Variants in DTD1 observed in about 807,000 individuals in gnomAD.
DTD1 encodes the protein D-aminoacyl-tRNA deacylase 1.
Under a neutral mutation model 25.6 loss-of-function variants are expected in DTD1, and 13 were observed. That is an observed-to-expected ratio of 0.51 (90% confidence interval 0.33 to 0.81). The LOEUF (loss-of-function observed/expected upper bound fraction) is 0.81, where lower values mean the gene tolerates loss of function less well. Among genes scored for constraint, DTD1 ranks in the 30% least tolerant of loss-of-function variants. DTD1 has a pLI of 0.02. For missense variants in DTD1, 193 were observed against 266.4 expected, an observed-to-expected ratio of 0.72 and a Z score of 1.92; for synonymous variants, 110 against 103.6, an observed-to-expected ratio of 1.06 and a Z score of -0.37.
chr20:18,745,009 C>G (rs2061294659), intron 5 of DTD1, among the ~76,000 whole-genome samples: 1 of 152,210 alleles, frequency 6.6e-6, no homozygotes, highest in African/African-American at 2.4e-5. Context: ...CAGTCCACAG[C>G]TGCTGCTGTG....
chr20:18,674,297 A>C (rs1309916462), intron 4 of DTD1: 1 of 152,166 alleles, frequency 6.6e-6, no homozygotes, highest in African/African-American at 2.4e-5. Context: ...AGAGGTAGAG[A>C]GGGGAATGGA....
intron 5 of DTD1, among the ~76,000 whole-genome samples, chr20:18,744,653 A>AC: frequency 8.5e-6 from 1 of 117,228 alleles, no homozygotes; most frequent in Non-Finnish European, 1.8e-5. Context: ...AAAAAACAAA[A>AC]AACAAGTGAA....
chr20:18,726,399 G>A (rs2061222607), intron 4 of DTD1, among the ~76,000 whole-genome samples: 1 of 152,126 alleles, frequency 6.6e-6, no homozygotes, highest in African/African-American at 2.4e-5. Flanking sequence ...CATGAAAATT[G>A]CATTGTACAA....
intron 4 of DTD1, among the ~76,000 whole-genome samples, chr20:18,636,628 G>T (rs1225476187): frequency 6.6e-6 from 1 of 152,158 alleles, no homozygotes; most frequent in Non-Finnish European, 1.5e-5. Flanking sequence ...TGGGTCAGTG[G>T]GGTGTGAGTT....
At chr20:18,628,854 G>T (rs955599798) in intron 4 of DTD1, among the ~76,000 whole-genome samples, 1 of 152,170 alleles carries the variant, frequency 6.6e-6, no homozygotes, top group Admixed American at 6.5e-5. Context: ...GGCAGAGGAA[G>T]AAGGACTGAG....
At chr20:18,708,300 A>T (rs1394953982) in intron 4 of DTD1, among the ~76,000 whole-genome samples, 1 of 50,952 alleles carries the variant, frequency 2.0e-5, no homozygotes, top group African/African-American at 7.6e-5. Flanking sequence ...TATATATAAT[A>T]TATATATTTT....
chr20:18,700,070 C>T (rs965601831), intron 4 of DTD1, among the ~76,000 whole-genome samples: 3 of 152,158 alleles, frequency 2.0e-5, no homozygotes, highest in Admixed American at 6.5e-5. Context: ...TCTCAGCCTC[C>T]TCCAGTCTTA....
chr20:18,735,367 G>A (rs1412622766), intron 4 of DTD1, among the ~76,000 whole-genome samples: 1 of 152,258 alleles, frequency 6.6e-6, no homozygotes, highest in Admixed American at 6.5e-5. Context: ...AGAAGCCCCT[G>A]TGCAGGTGTT....
At chr20:18,730,489 C>T (rs775727761) in intron 4 of DTD1, among the ~76,000 whole-genome samples, 1 of 152,176 alleles carries the variant, frequency 6.6e-6, no homozygotes, top group Non-Finnish European at 1.5e-5. Context: ...TAGTCCTTAT[C>T]AGTTTCATGA....
intron 5 of DTD1, among the ~76,000 whole-genome samples, chr20:18,752,663 A>G (rs2061325146): frequency 6.6e-6 from 1 of 152,178 alleles, no homozygotes; most frequent in Non-Finnish European, 1.5e-5. Context: ...TAATTCCAAC[A>G]TCTGTATCAT....
chr20:18,668,927 TTTC>T (rs2060941942), intron 4 of DTD1, among the ~76,000 whole-genome samples: 1 of 152,202 alleles, frequency 6.6e-6, no homozygotes, highest in Non-Finnish European at 1.5e-5. Flanking sequence ...CAGAAATGTG[TTTC>T]TTCTTATTCT....
intron 4 of DTD1, among the ~76,000 whole-genome samples, chr20:18,725,000 C>G (rs892306168): frequency 2.0e-5 from 3 of 152,196 alleles, no homozygotes; most frequent in African/African-American, 7.2e-5. Flanking sequence ...TTGGCTTTAC[C>G]CAGGAAAGAA....
intron 4 of DTD1, among the ~76,000 whole-genome samples, chr20:18,740,093 GCA>G (rs1375709523): frequency 6.6e-6 from 1 of 152,142 alleles, no homozygotes; most frequent in African/African-American, 2.4e-5. Context: ...CTCTGCCTCA[GCA>G]CAGAGTCGAA....
intron 3 of DTD1, among the ~76,000 whole-genome samples, chr20:18,610,324 C>T (rs2060681394): frequency 6.6e-6 from 1 of 152,134 alleles, no homozygotes; most frequent in African/African-American, 2.4e-5. Context: ...AACTCCTGGG[C>T]TCAAGTGATC....
chr20:18,688,386 A>G (rs2061026149), intron 4 of DTD1, among the ~76,000 whole-genome samples: 1 of 152,180 alleles, frequency 6.6e-6, no homozygotes, highest in East Asian at 1.9e-4. Context: ...ATGTAAGTAC[A>G]AAGTGTCAGA....
intron 4 of DTD1, among the ~76,000 whole-genome samples, chr20:18,634,435 T>C (rs1201480678): frequency 2.0e-5 from 3 of 152,216 alleles, no homozygotes; most frequent in African/African-American, 7.2e-5. Context: ...CCTCATTAAA[T>C]TGAAATGCTG....
In DTD1 at chr20:18,663,229, T is replaced by G. The variant is rs148058468; in HGVS notation, c.477+34996T>G. On this transcript the variant is annotated intron_variant, in intron 4 of 5. Transcript: ENST00000377452. Reference sequence around the variant, plus strand: ...TTTGGTAGAAAAGTTTCATAGAAAGTGTCCATATAGCTGGGTGTGGTGGCT... The same window carrying G: ...TTTGGTAGAAAAGTTTCATAGAAAGGGTCCATATAGCTGGGTGTGGTGGCT... Among the ~76,000 whole-genome samples, 1,197 of 152,190 alleles carry G rather than the reference T, an allele frequency of 7.9e-3. 8 individuals are homozygous for G. The highest frequency in any genetic ancestry group is 0.014 in the Middle Eastern group (4 of 294).
chr20:18,758,539 C>T (rs1339426357), intron 5 of DTD1, among the ~76,000 whole-genome samples: 1 of 152,204 alleles, frequency 6.6e-6, no homozygotes, highest in Non-Finnish European at 1.5e-5. Context: ...ACCCAGCAGT[C>T]ATTCAGGAGC....
chr20:18,736,266 T>C (rs1044403732), intron 4 of DTD1, among the ~76,000 whole-genome samples: 2 of 152,178 alleles, frequency 1.3e-5, no homozygotes, highest in Admixed American at 1.3e-4. Flanking sequence ...CCTAGGTAAG[T>C]GCTGCTGGTT....
Sources: gnomAD v4.1 joint callset for allele counts (sites outside exome capture counted in the v4.1 genomes callset) on GRCh38, gnomAD v4.1.1 for gene constraint, MANE v1.5 for transcripts, NCBI Gene and HGNC (gene_info 2026-07-23, HGNC 2026-07-21) for gene names.